The following PNPLA7 variants were observed in gnomAD, a reference collection of about 807,000 sequenced individuals.
PNPLA7 encodes patatin like domain 7, lysophospholipase, also known as patatin-like phospholipase domain-containing protein 7.
PNPLA7 carries 153 observed loss-of-function variants against 161.7 expected under a neutral mutation model. The ratio of observed to expected loss-of-function variants is 0.95; its 90% CI spans 0.83 to 1.08. The LOEUF (loss-of-function observed/expected upper bound fraction) is 1.08, where lower values mean the gene tolerates loss of function less well. Among genes scored for constraint, PNPLA7 ranks in the 50% least tolerant of loss-of-function variants. The probability of loss-of-function intolerance (pLI) is 0.00; values close to 1 mark genes in which losing one functional copy is unlikely to be tolerated. For missense variants in PNPLA7, 1,739 were observed against 1,856.6 expected, an observed-to-expected ratio of 0.94 and a Z score of 1.16; for synonymous variants, 809 against 782.1, an observed-to-expected ratio of 1.03 and a Z score of -0.57.
intron 20 of PNPLA7, chr9:137,491,570 C>T: frequency 1.0e-6 from 1 of 985,414 alleles, no homozygotes; most frequent in Non-Finnish European, 1.2e-6. Context: ...TGAAGAGTTA[C>T]ATTACGTGTT....
rs987106123 is a variant in PNPLA7 at position 137,547,711 on chromosome 9, A to T, written c.31-52T>A. On this transcript the variant is annotated intron_variant, in intron 1 of 34. Coordinates refer to ENST00000406427, the MANE Select transcript of PNPLA7 (RefSeq NM_001098537.3). This position sits in a 1 kb window ranked among gnomAD's most constrained non-coding sequence, Gnocchi z 4.6. ...GGGCATGGACAGGCTTCCCAGCCCGAACTTGTTCAGAGCAGCAGGAGGAGA... is the reference window on the plus strand; with the variant it reads ...GGGCATGGACAGGCTTCCCAGCCCGTACTTGTTCAGAGCAGCAGGAGGAGA... 1 of 1,558,782 alleles carries T rather than the reference A, an allele frequency of 6.4e-7. No individual in the cohort carries two copies. The highest frequency in any genetic ancestry group is 1.4e-5 in the African/African-American group (1 of 73,858).
chr9:137,527,345 A>G (rs1835356079), intron 8 of PNPLA7, among the ~76,000 whole-genome samples: 1 of 151,954 alleles, frequency 6.6e-6, no homozygotes, highest in Admixed American at 6.6e-5. Flanking sequence ...GCAATCTTCA[A>G]GGGAAAATAT....
In PNPLA7 at chr9:137,505,687, G is replaced by T; in HGVS notation, c.1400C>A (p.Thr467Asn). ...SQHSESHTDE[T>N]LASRKSDAIF... The stretch of plus-strand genomic sequence containing the variant: ...GGCATCCGACTTCCTGCTGGCCAGG[G>T]TCTCATCCGTGTGACTCTCTGAGTG... Residue 467 changes from threonine (T) to asparagine (N), a missense_variant, in exon 14 of 35, where the codon ACC (threonine) becomes AAC (asparagine). By Grantham distance (65) the Thr-to-Asn change is moderately conservative (BLOSUM62 0). Transcript: ENST00000406427. The T allele has an allele frequency of 6.2e-7, 1 of 1,614,120 alleles. No individual in the cohort carries two copies. Among genetic ancestry groups the T allele is most frequent in the Non-Finnish European group, 8.5e-7 (1 of 1,180,034 alleles).
intron 9 of PNPLA7, 40 bp downstream of exon 9, chr9:137,522,689 C>A: frequency 6.2e-7 from 1 of 1,609,620 alleles, no homozygotes; most frequent in Non-Finnish European, 8.5e-7. Context: ...CCCAGGGTGA[C>A]CCACAGCAGC....
At chr9:137,508,904 G>A (rs1834055465) in intron 12 of PNPLA7, 1 of 152,212 alleles carries the variant, frequency 6.6e-6, no homozygotes, top group Non-Finnish European at 1.5e-5. Context: ...AAAGCTAAGA[G>A]GAAAATGGGC....
intron 12 of PNPLA7, chr9:137,508,932 A>G (rs942227922): frequency 6.6e-6 from 1 of 152,284 alleles, no homozygotes; most frequent in African/African-American, 2.4e-5. Context: ...AAAGAAGGCT[A>G]TCCAAGGTGC....
chr9:137,527,072 G>A (rs1299157382), intron 8 of PNPLA7, among the ~76,000 whole-genome samples: 1 of 151,956 alleles, frequency 6.6e-6, no homozygotes, highest in African/African-American at 2.4e-5. Context: ...TTCAAGACCA[G>A]CCTGGCCAAG....
At chr9:137,488,637 C>T (rs1014813565) in intron 20 of PNPLA7, among the ~76,000 whole-genome samples, 4 of 152,132 alleles carry the variant, frequency 2.6e-5, no homozygotes, top group African/African-American at 9.7e-5. Flanking sequence ...CTGCCACAGA[C>T]GGAGGGGTCT....
intron 23 of PNPLA7, 121 bp from the exon 24 acceptor site, chr9:137,479,359 C>T: frequency 7.4e-7 from 1 of 1,357,908 alleles, no homozygotes; most frequent in Non-Finnish European, 9.5e-7. Flanking sequence ...CTGGGTTCTG[C>T]AAAGCAACTT....
chr9:137,499,580 C>T lies in PNPLA7; in HGVS notation c.1757+1111G>A, dbSNP rs80238489. 9.4e-3 allele frequency among the ~76,000 whole-genome samples: 1,429 copies of T among 152,332 alleles called. 21 individuals are homozygous for T. The highest frequency in any genetic ancestry group is 0.032 in the African/African-American group (1,320 of 41,570). On this transcript the variant is annotated intron_variant, in intron 16 of 34. Transcript: ENST00000406427. This position sits in a 1 kb window ranked among gnomAD's most constrained non-coding sequence, Gnocchi z 5.5. ...TGGAGCCTCAGTCTCCCCATCAGCA[C>T]GCTGCGGTGTCAGGGCACCCGGCAT...
intron 12 of PNPLA7, 146 bp downstream of exon 12, chr9:137,515,227 GAGGACA>G: frequency 9.8e-7 from 1 of 1,019,934 alleles, no homozygotes; most frequent in South Asian, 1.7e-5. Flanking sequence ...CCTAGAGCCA[GAGGACA>G]GGCACAGGCC....
chr9:137,493,072 C>T lies in PNPLA7; in HGVS notation c.2138G>A (p.Arg713Gln), dbSNP rs371488928. The change falls in exon 20 of 35, where the codon CGG becomes CAG. Residue 713 changes from arginine (R) to glutamine (Q), a missense_variant. Physicochemically the swap from Arg to Gln is conservative, Grantham distance 43. This residue lies in a region of PNPLA7 where 192 missense variants were observed against 249.5 expected (regional missense o/e 0.77). Coordinates refer to ENST00000406427, the MANE Select transcript of PNPLA7 (RefSeq NM_001098537.3). ...CTTCTCACCCAAGAGATGAATCAGCCGAGTCACCACCTGCGGGCAGACACA... is the reference window on the plus strand; with the variant it reads ...CTTCTCACCCAAGAGATGAATCAGCTGAGTCACCACCTGCGGGCAGACACA... ...IKRRYPQVVT[R>Q]LIHLLGEKIL... 164 of 1,613,774 alleles carry T rather than the reference C, an allele frequency of 1.0e-4. No homozygotes were observed. The highest frequency in any genetic ancestry group is 1.3e-4 in the Non-Finnish European group (156 of 1,180,004).
rs1832728233 is a variant in PNPLA7 at position 137,490,849 on chromosome 9, T to G, written c.2197+2164A>C. On this transcript the variant is annotated intron_variant, in intron 20 of 34. Transcript: ENST00000406427. The surrounding 1 kb of genome is among the most constrained non-coding windows in gnomAD (Gnocchi z 4.1). The stretch of plus-strand genomic sequence containing the variant: ...AGCCCTGTGTTTTTGGGGCTACAGT[T>G]TGACAAAATTACAGAGGTAATAGTT... Among the ~76,000 whole-genome samples the G allele has an allele frequency of 6.6e-6, 1 of 152,208 alleles. No homozygotes were observed. The highest frequency in any genetic ancestry group is 1.5e-5 in the Non-Finnish European group (1 of 68,040).
At chr9:137,546,136 G>A (rs1246932600) in intron 4 of PNPLA7, among the ~76,000 whole-genome samples, 3 of 152,168 alleles carry the variant, frequency 2.0e-5, no homozygotes, top group Admixed American at 6.5e-5. Flanking sequence ...TAGTCAATTA[G>A]TGAAAGTACT....
At chr9:137,509,027 T>C (rs1036822625) in intron 12 of PNPLA7, 4 of 142,980 alleles carry the variant, frequency 2.8e-5, no homozygotes, top group African/African-American at 1.2e-4. Context: ...GAGCAGCACA[T>C]GCTGGGCCGG....
chr9:137,499,416 T>C lies in PNPLA7; in HGVS notation c.1758-1171A>G, dbSNP rs1833256256. 2.6e-5 allele frequency among the ~76,000 whole-genome samples: 4 copies of C among 152,314 alleles called. 1 individual carries two copies. In the South Asian group the frequency reaches 8.3e-4, roughly 32 times the overall value. On this transcript the variant is annotated intron_variant, in intron 16 of 34. Coordinates refer to ENST00000406427, the MANE Select transcript of PNPLA7 (RefSeq NM_001098537.3). This position sits in a 1 kb window ranked among gnomAD's most constrained non-coding sequence, Gnocchi z 5.5. ...CATTAAGGCTGAGGGCCCTGAGCTC[T>C]GCCCTGGGTGGTTCCTGTCCCTGCT...
rs778515042 is a variant in PNPLA7 at position 137,523,219 on chromosome 9, C to T, written c.748-362G>A. Among the ~76,000 whole-genome samples, 15 of 152,152 alleles carry T rather than the reference C, an allele frequency of 9.9e-5. No individual in the cohort carries two copies. The highest frequency in any genetic ancestry group is 4.1e-4 in the South Asian group (2 of 4,824). Reference sequence around the variant, plus strand: ...CCTACTCTACGTCCGACATCAGCGTCGGTACCCCTCGCCAAAGGGCGTGCC... The same window carrying T: ...CCTACTCTACGTCCGACATCAGCGTTGGTACCCCTCGCCAAAGGGCGTGCC... On this transcript the variant is annotated intron_variant, in intron 8 of 34. Coordinates refer to ENST00000406427, the MANE Select transcript of PNPLA7 (RefSeq NM_001098537.3). The surrounding 1 kb of genome is among the most constrained non-coding windows in gnomAD (Gnocchi z 4.4).
At chr9:137,498,338 C>G in intron 16 of PNPLA7, 93 bp from the exon 17 acceptor site, 1 of 1,536,848 alleles carries the variant, frequency 6.5e-7, no homozygotes, top group South Asian at 1.2e-5. Context: ...GGACCCACAA[C>G]CCCCACCCCA....
chr9:137,497,350 G>C, intron 17 of PNPLA7, 40 bp from the exon 18 acceptor site: 9 of 1,462,668 alleles, frequency 6.2e-6, no homozygotes, highest in Non-Finnish European at 8.2e-6. Context: ...TGGGCCCCCA[G>C]CCTCAGCCTC....
Sources: allele counts gnomAD v4.1 joint callset (sites outside exome capture counted in the v4.1 genomes callset), GRCh38; gene constraint gnomAD v4.1.1; regional missense constraint gnomAD v4.1.1; non-coding constraint Gnocchi (gnomAD v3.1); transcripts MANE v1.5; gene names NCBI Gene and HGNC (gene_info 2026-07-23, HGNC 2026-07-21).